The following ARHGAP24 variants were observed in gnomAD, a reference collection of about 807,000 sequenced individuals.
ARHGAP24 encodes the protein rho GTPase-activating protein 24.
Under a neutral mutation model 76.4 loss-of-function variants are expected in ARHGAP24, and 50 were observed. That is an observed-to-expected ratio of 0.65 (90% CI 0.52 to 0.83). The LOEUF (loss-of-function observed/expected upper bound fraction) is 0.83. ARHGAP24 is among the 40% of genes least tolerant of loss of function. ARHGAP24 has a pLI of 0.00. For synonymous variants in ARHGAP24, 345 were observed against 323.3 expected, an observed-to-expected ratio of 1.07 and a Z score of -0.72; for missense variants, 930 against 914.2, an observed-to-expected ratio of 1.02 and a Z score of -0.22.
intron 2 of ARHGAP24, among the ~76,000 whole-genome samples, chr4:85,710,867 G>A (rs1020941654): frequency 1.4e-4 from 22 of 151,976 alleles, no homozygotes; most frequent in Non-Finnish European, 2.2e-4. Flanking sequence ...TGGTGGGACA[G>A]AACTACCATT....
intron 3 of ARHGAP24, among the ~76,000 whole-genome samples, chr4:85,843,469 G>T (rs1288826938): frequency 1.3e-5 from 2 of 151,526 alleles, no homozygotes; most frequent in Non-Finnish European, 2.9e-5. Context: ...TCATGATTTT[G>T]GACTTCAAAT....
chr4:85,987,617 A>AT (rs1740077558), intron 8 of ARHGAP24, among the ~76,000 whole-genome samples: 1 of 152,086 alleles, frequency 6.6e-6, no homozygotes, highest in South Asian at 2.1e-4. Flanking sequence ...GATCAAATGT[A>AT]TTTTTAAAGT....
chr4:85,613,569 G>A (rs1013208607), intron 2 of ARHGAP24, among the ~76,000 whole-genome samples: 8 of 152,124 alleles, frequency 5.3e-5, no homozygotes, highest in East Asian at 1.9e-4. Context: ...TTCTGGGATC[G>A]CCATATGTCC....
At chr4:85,560,238 G>T (rs1010964290) in intron 1 of ARHGAP24, among the ~76,000 whole-genome samples, 1 of 151,508 alleles carries the variant, frequency 6.6e-6, no homozygotes, top group African/African-American at 2.4e-5. Context: ...GCAGTTCTAA[G>T]TATATATTAA....
At chr4:85,475,631 GGAGGGGGC>G in intron 1 of ARHGAP24, 72 bp downstream of exon 1, 1 of 50,744 alleles carries the variant, frequency 2.0e-5, no homozygotes, top group East Asian at 9.0e-4. Context: ...CTGCGCCAGG[GGAGGGGGC>G]TGCGGGGGGC....
intron 4 of ARHGAP24, among the ~76,000 whole-genome samples, chr4:85,926,059 A>G (rs748047278): frequency 1.5e-4 from 22 of 151,688 alleles, no homozygotes; most frequent in Non-Finnish European, 3.1e-4. Context: ...AAAAAAAAAG[A>G]ATGCCATCCA....
intron 5 of ARHGAP24, among the ~76,000 whole-genome samples, chr4:85,970,640 C>G (rs1392664279): frequency 6.6e-6 from 1 of 152,134 alleles, no homozygotes; most frequent in Non-Finnish European, 1.5e-5. Context: ...GGCTCTGCTT[C>G]CATGCCACCG....
At chr4:85,923,830 TC>T in intron 4 of ARHGAP24, 60 bp downstream of exon 4, 3 of 1,611,546 alleles carry the variant, frequency 1.9e-6, no homozygotes, top group Admixed American at 3.3e-5. Context: ...TTCATCCCTT[TC>T]CCCCAGCGAA....
intron 2 of ARHGAP24, among the ~76,000 whole-genome samples, chr4:85,620,797 G>A (rs1480535396): frequency 6.6e-6 from 1 of 151,520 alleles, no homozygotes; most frequent in Non-Finnish European, 1.5e-5. Context: ...TTAAGTTTTA[G>A]ATTCAAGGGG....
At chr4:85,891,054 T>C (rs1306504644) in intron 3 of ARHGAP24, among the ~76,000 whole-genome samples, 1 of 152,054 alleles carries the variant, frequency 6.6e-6, no homozygotes, top group Non-Finnish European at 1.5e-5. Flanking sequence ...TGAGAGATAA[T>C]GATAACCTGA....
chr4:85,832,801 T>A (rs1730061215), intron 3 of ARHGAP24, among the ~76,000 whole-genome samples: 1 of 152,184 alleles, frequency 6.6e-6, no homozygotes, highest in Non-Finnish European at 1.5e-5. Flanking sequence ...TTGGTGTGCT[T>A]ACATGCACAG....
chr4:85,995,799 CTG>C (rs959676920), intron 9 of ARHGAP24, 142 bp downstream of exon 9: 95 of 840,118 alleles, frequency 1.1e-4, no homozygotes, highest in Non-Finnish European at 2.5e-5. Flanking sequence ...AGCTTTGTGA[CTG>C]TGTGCAAGTT....
intron 3 of ARHGAP24, among the ~76,000 whole-genome samples, chr4:85,855,814 A>G (rs1010354830): frequency 1.3e-5 from 2 of 151,752 alleles, no homozygotes; most frequent in African/African-American, 4.8e-5. Context: ...CATTCTGTTT[A>G]GAAAAGCAGG....
intron 2 of ARHGAP24, among the ~76,000 whole-genome samples, chr4:85,677,874 C>T (rs1275865768): frequency 6.6e-6 from 1 of 151,888 alleles, no homozygotes; most frequent in East Asian, 1.9e-4. Flanking sequence ...ATAGCAAGAC[C>T]CTATCTCTAT....
chr4:85,767,412 T>A (rs539122170), intron 3 of ARHGAP24, among the ~76,000 whole-genome samples: 1 of 152,272 alleles, frequency 6.6e-6, no homozygotes, highest in South Asian at 2.1e-4. Flanking sequence ...GAGACATACA[T>A]ACACCTCACA....
chr4:85,858,081 G>C (rs1731687049), intron 3 of ARHGAP24, among the ~76,000 whole-genome samples: 1 of 152,070 alleles, frequency 6.6e-6, no homozygotes. Flanking sequence ...CATAAGACTT[G>C]TGAGAAAAAA....
At chr4:85,984,859 G>A (rs1258619042) in intron 8 of ARHGAP24, among the ~76,000 whole-genome samples, 1 of 152,056 alleles carries the variant, frequency 6.6e-6, no homozygotes, top group Non-Finnish European at 1.5e-5. Flanking sequence ...GTCTCACTCT[G>A]TCACTCAGGC....
intron 2 of ARHGAP24, among the ~76,000 whole-genome samples, chr4:85,598,826 T>C (rs1209155419): frequency 2.0e-5 from 3 of 151,276 alleles, no homozygotes; most frequent in Non-Finnish European, 4.4e-5. Flanking sequence ...AGTTGCCTAA[T>C]AGAAGTACAG....
intron 3 of ARHGAP24, among the ~76,000 whole-genome samples, chr4:85,919,276 A>G (rs995069908): frequency 6.6e-6 from 1 of 152,202 alleles, no homozygotes; most frequent in Admixed American, 6.5e-5. Flanking sequence ...TCATTTATCA[A>G]ATCATATCTT....
Sources: allele counts gnomAD v4.1 joint callset (sites outside exome capture counted in the v4.1 genomes callset), GRCh38; gene constraint gnomAD v4.1.1; transcripts MANE v1.5; gene names NCBI Gene and HGNC (gene_info 2026-07-23, HGNC 2026-07-21).